The following DDAH1 variants were observed in gnomAD, a reference collection of about 807,000 sequenced individuals.
DDAH1 encodes the protein N(G),N(G)-dimethylarginine dimethylaminohydrolase 1.
In DDAH1, 19 loss-of-function variants were observed where a neutral mutation model predicts 28.8. The ratio of observed to expected loss-of-function variants is 0.66; its 90% confidence interval spans 0.46 to 0.97. The LOEUF (loss-of-function observed/expected upper bound fraction) is 0.97, where lower values mean the gene tolerates loss of function less well. Ranked by LOEUF, DDAH1 falls within the 50% of genes least tolerant of loss-of-function variation. The pLI is 0.00. For missense variants in DDAH1, 326 were observed against 375.9 expected (o/e 0.87, Z 1.10); for synonymous variants, 153 against 154.4 (o/e 0.99, Z 0.07).
chr1:85,448,058 G>A (rs1654513114), intron 1 of DDAH1: 2 of 152,166 alleles, frequency 1.3e-5, no homozygotes, highest in African/African-American at 2.4e-5. Context: ...CATGGCCCAT[G>A]GGCCACATGT....
intron 2 of DDAH1, among the ~76,000 whole-genome samples, chr1:85,487,722 A>C (rs534004): frequency 0.74 from 113,207 of 151,998 alleles, 42,414 homozygotes; most frequent in African/African-American, 0.78. Flanking sequence ...CCTATCTCCA[A>C]AAAACAGGTA....
intron 1 of DDAH1, among the ~76,000 whole-genome samples, chr1:85,551,179 C>G (rs1658777356): frequency 6.6e-6 from 1 of 152,172 alleles, no homozygotes; most frequent in Admixed American, 6.5e-5. Context: ...TACTGACAAT[C>G]CAGGGGACTA....
At chr1:85,540,493 A>T (rs1252921759) in intron 1 of DDAH1, among the ~76,000 whole-genome samples, 1 of 151,736 alleles carries the variant, frequency 6.6e-6, no homozygotes, top group South Asian at 2.1e-4. Flanking sequence ...GTATGAAACT[A>T]CTCTTTGTAT....
intron 4 of DDAH1, among the ~76,000 whole-genome samples, chr1:85,330,098 C>T (rs1647668574): frequency 6.6e-6 from 1 of 152,198 alleles, no homozygotes; most frequent in Admixed American, 6.5e-5. Flanking sequence ...GTTTAGGAGA[C>T]ACATGTATGT....
intron 2 of DDAH1, among the ~76,000 whole-genome samples, chr1:85,485,318 T>A (rs1159241596): frequency 2.6e-5 from 4 of 152,152 alleles, no homozygotes; most frequent in Admixed American, 6.6e-5. Context: ...AGTTTTTTTT[T>A]AAATGAGTAA....
intron 2 of DDAH1, among the ~76,000 whole-genome samples, chr1:85,474,202 C>T (rs1454253708): frequency 1.3e-5 from 2 of 152,246 alleles, no homozygotes; most frequent in Non-Finnish European, 2.9e-5. Context: ...TCTTCATCCA[C>T]TCTGCTACCA....
At chr1:85,564,334 A>T (rs188365055) in intron 1 of DDAH1, among the ~76,000 whole-genome samples, 6 of 152,350 alleles carry the variant, frequency 3.9e-5, no homozygotes, top group Non-Finnish European at 5.9e-5. Context: ...AAAAAGACTA[A>T]AAGTAAAAAA....
chr1:85,523,090 C>A (rs548382054), intron 1 of DDAH1, among the ~76,000 whole-genome samples: 2 of 151,474 alleles, frequency 1.3e-5, no homozygotes, highest in South Asian at 4.2e-4. Context: ...GATACCAACA[C>A]CTGTCTGAGA....
chr1:85,454,071 G>A (rs909670015), intron 1 of DDAH1, among the ~76,000 whole-genome samples: 4 of 152,024 alleles, frequency 2.6e-5, no homozygotes, highest in Non-Finnish European at 5.9e-5. Flanking sequence ...TTCCTACTGG[G>A]TACAACCCCT....
chr1:85,456,749 C>T (rs1027579289), intron 1 of DDAH1, among the ~76,000 whole-genome samples: 8 of 152,256 alleles, frequency 5.3e-5, no homozygotes, highest in Admixed American at 3.9e-4. Context: ...TAACTACATA[C>T]TACAAGATGA....
At chr1:85,536,355 C>A (rs762905358) in intron 1 of DDAH1, among the ~76,000 whole-genome samples, 2 of 151,812 alleles carry the variant, frequency 1.3e-5, no homozygotes, top group Non-Finnish European at 2.9e-5. Context: ...GAGATCGAGA[C>A]CATCCTGGCC....
At chr1:85,419,733 T>C (rs1313962732) in intron 1 of DDAH1, among the ~76,000 whole-genome samples, 1 of 152,190 alleles carries the variant, frequency 6.6e-6, no homozygotes, top group East Asian at 1.9e-4. Context: ...GTTCACCTAA[T>C]GTCCTTTTCC....
intron 1 of DDAH1, among the ~76,000 whole-genome samples, chr1:85,359,086 T>C (rs939166305): frequency 6.6e-6 from 1 of 152,204 alleles, no homozygotes; most frequent in African/African-American, 2.4e-5. Context: ...ATTGAGTCAA[T>C]ACAGTGTCAT....
intron 1 of DDAH1, among the ~76,000 whole-genome samples, chr1:85,503,519 A>G (rs1331407748): frequency 2.9e-5 from 1 of 33,962 alleles, no homozygotes; most frequent in Non-Finnish European, 6.7e-5. Context: ...TTTAAAGTTC[A>G]TCTATCTATC....
intron 1 of DDAH1, among the ~76,000 whole-genome samples, chr1:85,524,820 A>G (rs1657809267): frequency 1.3e-5 from 2 of 150,708 alleles, no homozygotes; most frequent in South Asian, 4.3e-4. Context: ...AACAAGAAAA[A>G]TGCCAGGGCT....
At chr1:85,539,828 T>C (rs1658415621) in intron 1 of DDAH1, among the ~76,000 whole-genome samples, 1 of 151,992 alleles carries the variant, frequency 6.6e-6, no homozygotes, top group Non-Finnish European at 1.5e-5. Context: ...TTTGAAATCC[T>C]TCAATAGTTC....
upstream of DDAH1, among the ~76,000 whole-genome samples, chr1:85,465,813 G>A (rs1428891123): frequency 6.6e-6 from 1 of 152,046 alleles, no homozygotes; most frequent in African/African-American, 2.4e-5. Context: ...CCACTGAAAA[G>A]TAACTAGTGA....
At chr1:85,400,191 T>TC (rs1557582281) in intron 1 of DDAH1, among the ~76,000 whole-genome samples, 14 of 100,248 alleles carry the variant, frequency 1.4e-4, no homozygotes, top group East Asian at 7.7e-4. Context: ...TTTTTTTTTT[T>TC]TTTTTTTTTT....
At chr1:85,367,032 A>G (rs1650113617) in intron 1 of DDAH1, among the ~76,000 whole-genome samples, 1 of 152,128 alleles carries the variant, frequency 6.6e-6, no homozygotes, top group African/African-American at 2.4e-5. Flanking sequence ...GCAGTATAGT[A>G]GATTTCATCA....
Sources: gnomAD v4.1 joint callset for allele counts (sites outside exome capture counted in the v4.1 genomes callset) on GRCh38, gnomAD v4.1.1 for gene constraint, MANE v1.5 for transcripts, NCBI Gene and HGNC (gene_info 2026-07-23, HGNC 2026-07-21) for gene names.